Variants in DARS1 observed in about 807,000 individuals in gnomAD.
The protein encoded by DARS1 is aspartate--tRNA ligase, cytoplasmic.
In DARS1, 51 loss-of-function variants were observed where a neutral mutation model predicts 68.8. That is an observed-to-expected ratio of 0.74 (90% confidence interval 0.59 to 0.94). The LOEUF (loss-of-function observed/expected upper bound fraction) is 0.94. Ranked by LOEUF, DARS1 falls within the 40% of genes least tolerant of loss-of-function variation. The pLI is 0.00. For synonymous variants in DARS1, 203 were observed against 190.4 expected (o/e 1.07, Z -0.55); for missense variants, 607 against 597.3 (o/e 1.02, Z -0.17).
At chr2:135,951,505 A>G (rs1199010704) in intron 4 of DARS1, among the ~76,000 whole-genome samples, 1 of 152,232 alleles carries the variant, frequency 6.6e-6, no homozygotes, top group East Asian at 1.9e-4. Flanking sequence ...TGTCACTTTC[A>G]AGAGTACAGT....
intron 9 of DARS1, among the ~76,000 whole-genome samples, chr2:135,921,910 T>C (rs1312866696): frequency 6.6e-6 from 1 of 152,194 alleles, no homozygotes; most frequent in Non-Finnish European, 1.5e-5. Context: ...AGTTAATAAA[T>C]TCAGAAAATT....
intron 4 of DARS1, among the ~76,000 whole-genome samples, chr2:135,959,881 C>G (rs1203112421): frequency 1.3e-5 from 2 of 152,044 alleles, no homozygotes; most frequent in Admixed American, 1.3e-4. Flanking sequence ...GTTTTCAAAA[C>G]CAAATTATTA....
chr2:135,958,667 C>G (rs1362992889), intron 4 of DARS1, among the ~76,000 whole-genome samples: 1 of 152,148 alleles, frequency 6.6e-6, no homozygotes, highest in Non-Finnish European at 1.5e-5. Flanking sequence ...AACCTAAAAA[C>G]TCATCATTTT....
Position 135,916,373 on chromosome 2 carries a change from C to T in DARS1, c.960-1G>A. ...CACTGTTTGAATTTCAGTCTGAAAC[C>T]TATTTGCAGAATGATTTAGTTAATA... On this transcript the variant is annotated splice_acceptor_variant, in intron 10 of 15. Transcript: ENST00000264161. LOFTEE classifies it high-confidence loss of function. 6.6e-7 allele frequency: 1 copy of T among 1,511,284 alleles called. No homozygotes were observed. The highest frequency in any genetic ancestry group is 9.2e-7 in the Non-Finnish European group (1 of 1,087,700). 93.6% of individuals were successfully genotyped at this position (1,511,284 alleles called of 1,614,324 possible).
chr2:135,923,633 T>A (rs1252326287), intron 8 of DARS1, among the ~76,000 whole-genome samples: 1 of 152,200 alleles, frequency 6.6e-6, no homozygotes, highest in Non-Finnish European at 1.5e-5. Flanking sequence ...TGTTCAATTG[T>A]GAATTTGTAA....
chr2:135,927,440 C>T (rs903605101), intron 7 of DARS1, among the ~76,000 whole-genome samples: 2 of 151,988 alleles, frequency 1.3e-5, no homozygotes, highest in Non-Finnish European at 2.9e-5. Flanking sequence ...CCTTAAGATA[C>T]CTAAATGAAC....
At chr2:135,964,095 C>T (rs561793347) in intron 3 of DARS1, among the ~76,000 whole-genome samples, 69 of 152,248 alleles carry the variant, frequency 4.5e-4, no homozygotes, top group Non-Finnish European at 6.3e-4. Context: ...GCGCTGGGAA[C>T]ACGAACGTAA....
chr2:135,985,672 C>T, upstream of DARS1: 1 of 1,317,538 alleles, frequency 7.6e-7, no homozygotes, highest in Non-Finnish European at 1.0e-6. Flanking sequence ...CTGGCGGCCG[C>T]GCGCAGGGTC....
chr2:135,907,321 G>A lies in DARS1; in HGVS notation c.1501C>T (p.Pro501Ser), dbSNP rs1354079936. ...TTAAGTGGCAAAGTGTGAATTTAAG[G>A]AGTGAGTCGTTTGGGATCACGAGGG... is the stretch of plus-strand genomic sequence containing the variant. Reference protein sequence around the residue: ...MFPRDPKRLTP With the variant: ...MFPRDPKRLTS Residue 501 changes from proline to serine, a missense_variant, in exon 16 of 16, where the codon CCT (proline) becomes TCT (serine). Pro to Ser is a moderately conservative substitution (Grantham distance 74). Transcript: ENST00000264161. The A allele has an allele frequency of 1.3e-6, 2 of 1,587,784 alleles. No individual in the cohort carries two copies. Among genetic ancestry groups the A allele is most frequent in the East Asian group, 2.3e-5 (1 of 43,496 alleles).
chr2:135,950,896 G>A (rs901238230), intron 4 of DARS1, among the ~76,000 whole-genome samples: 1 of 152,130 alleles, frequency 6.6e-6, no homozygotes, highest in Non-Finnish European at 1.5e-5. Context: ...TGGGGCAAGA[G>A]AAACAAAGGG....
At chr2:135,911,875 CCT>C (rs896837909) in intron 13 of DARS1, among the ~76,000 whole-genome samples, 1 of 152,080 alleles carries the variant, frequency 6.6e-6, no homozygotes, top group Non-Finnish European at 1.5e-5. Context: ...ACTTTAATCC[CCT>C]GTCTTTCAAT....
At chr2:135,951,170 T>C (rs943315457) in intron 4 of DARS1, among the ~76,000 whole-genome samples, 10 of 152,214 alleles carry the variant, frequency 6.6e-5, no homozygotes, top group Non-Finnish European at 1.0e-4. Context: ...ATTAACTCGA[T>C]ATAGTTAAGC....
At chr2:135,946,641 A>G (rs1681729887) in intron 4 of DARS1, among the ~76,000 whole-genome samples, 1 of 152,230 alleles carries the variant, frequency 6.6e-6, no homozygotes, top group Non-Finnish European at 1.5e-5. Context: ...AGATGATCTG[A>G]AAATCAAGGG....
chr2:135,969,323 T>C (rs1042621609), intron 3 of DARS1, among the ~76,000 whole-genome samples: 15 of 152,096 alleles, frequency 9.9e-5, no homozygotes, highest in African/African-American at 3.6e-4. Flanking sequence ...TGGGTGTGTA[T>C]GTGCACATAC....
chr2:135,914,682 G>A (rs539339679), intron 11 of DARS1, 171 bp from the exon 12 acceptor site: 7 of 611,720 alleles, frequency 1.1e-5, no homozygotes, highest in Non-Finnish European at 2.1e-5. Flanking sequence ...AATCACTTAT[G>A]AGTATACCTT....
At chr2:135,950,312 A>G (rs1294783941) in intron 4 of DARS1, among the ~76,000 whole-genome samples, 1 of 152,218 alleles carries the variant, frequency 6.6e-6, no homozygotes, top group Non-Finnish European at 1.5e-5. Context: ...TCTAAGACAG[A>G]ATTAAAATTA....
At chr2:135,917,964 G>T (rs1681042220) in intron 10 of DARS1, among the ~76,000 whole-genome samples, 3 of 152,074 alleles carry the variant, frequency 2.0e-5, no homozygotes, top group Non-Finnish European at 4.4e-5. Context: ...CTGTTGCCCA[G>T]GCTGGAGTGC....
At chr2:135,962,930 A>C (rs1197760270) in intron 3 of DARS1, among the ~76,000 whole-genome samples, 1 of 152,220 alleles carries the variant, frequency 6.6e-6, no homozygotes, top group Non-Finnish European at 1.5e-5. Flanking sequence ...TGTGCACACG[A>C]CAGTGCTAGG....
In DARS1 at chr2:135,952,456, T is replaced by G. The variant is rs190378020; in HGVS notation, c.320+8940A>C. Among the ~76,000 whole-genome samples the G allele has an allele frequency of 1.8e-4, 27 of 152,320 alleles. 1 individual carries two copies. The highest frequency in any genetic ancestry group is 3.4e-3 in the Middle Eastern group (1 of 294). Reference sequence around the variant, plus strand: ...TCTCTCTTCCAGCTGTTTTGAAATATGCAATATTGTTAACCATAGTTACCC... The same window carrying G: ...TCTCTCTTCCAGCTGTTTTGAAATAGGCAATATTGTTAACCATAGTTACCC... On this transcript the variant is annotated intron_variant, in intron 4 of 15. Coordinates refer to ENST00000264161, the MANE Select transcript of DARS1 (RefSeq NM_001349.4).
Sources: gnomAD v4.1 joint callset for allele counts (sites outside exome capture counted in the v4.1 genomes callset) on GRCh38, gnomAD v4.1.1 for gene constraint, MANE v1.5 for transcripts, NCBI Gene and HGNC (gene_info 2026-07-23, HGNC 2026-07-21) for gene names.